MAST4: variants seen among roughly 807,000 people sequenced by gnomAD.
MAST4 encodes microtubule associated serine/threonine kinase family member 4.
In MAST4, 89 loss-of-function variants were observed where a neutral mutation model predicts 162.7. The ratio of observed to expected loss-of-function variants is 0.55; its 90% CI spans 0.46 to 0.65. The LOEUF (loss-of-function observed/expected upper bound fraction) is 0.65. Ranked by LOEUF, MAST4 falls within the 30% of genes least tolerant of loss-of-function variation. The pLI is 0.00. For synonymous variants in MAST4, 1,479 were observed against 1,361.1 expected (o/e 1.09, Z -1.91); for missense variants, 3,153 against 3,374.0 (o/e 0.93, Z 1.62).
At chr5:66,679,253 A>G (rs1748165540) in intron 1 of MAST4, among the ~76,000 whole-genome samples, 1 of 152,216 alleles carries the variant, frequency 6.6e-6, no homozygotes, top group Non-Finnish European at 1.5e-5. Context: ...GCAGGGATTA[A>G]AGCCCTAGTG....
chr5:66,701,387 A>T (rs1749767203), intron 1 of MAST4, among the ~76,000 whole-genome samples: 1 of 152,176 alleles, frequency 6.6e-6, no homozygotes, highest in African/African-American at 2.4e-5. Flanking sequence ...ACAATTAGTA[A>T]GGTGCATCCC....
chr5:66,840,362 A>G (rs915407711), intron 3 of MAST4, among the ~76,000 whole-genome samples: 4 of 152,174 alleles, frequency 2.6e-5, no homozygotes, highest in Admixed American at 2.6e-4. Context: ...ATATTGATTC[A>G]AGATTGATTT....
chr5:66,769,298 G>A (rs949638086), intron 2 of MAST4, among the ~76,000 whole-genome samples: 2 of 152,100 alleles, frequency 1.3e-5, no homozygotes, highest in East Asian at 3.9e-4. Flanking sequence ...TGATATTTCT[G>A]GGGCTCGAGC....
At chr5:67,145,462 AG>A (rs1445858284) in intron 23 of MAST4, 83 bp downstream of exon 23, 21 of 1,156,708 alleles carry the variant, frequency 1.8e-5, no homozygotes, top group Middle Eastern at 2.9e-4. Flanking sequence ...GGGCCTCGCC[AG>A]GCAGTAAAGA....
intron 3 of MAST4, among the ~76,000 whole-genome samples, chr5:66,872,169 TTGTTTGTTTG>T (rs1215408243): frequency 6.6e-6 from 1 of 151,806 alleles, no homozygotes; most frequent in Non-Finnish European, 1.5e-5. Flanking sequence ...GTTTGTTTGT[TTGTTTGTTTG>T]TTTGTTTTGA....
chr5:67,074,358 A>G (rs1761342862), intron 5 of MAST4, among the ~76,000 whole-genome samples: 3 of 152,174 alleles, frequency 2.0e-5, no homozygotes, highest in Admixed American at 1.3e-4. Context: ...TAAATTTACA[A>G]TGGTTTTAGC....
At chr5:67,096,580 A>G (rs1005185852) in intron 7 of MAST4, among the ~76,000 whole-genome samples, 4 of 152,180 alleles carry the variant, frequency 2.6e-5, no homozygotes, top group African/African-American at 9.7e-5. Flanking sequence ...TAGCCACTTA[A>G]TAACACTTGA....
intron 1 of MAST4, among the ~76,000 whole-genome samples, chr5:66,664,857 G>C (rs9291873): frequency 0.49 from 75,023 of 151,908 alleles, 19,027 homozygotes; most frequent in South Asian, 0.64. Context: ...ACATTACAAC[G>C]AGAAAGTGAA....
intron 2 of MAST4, among the ~76,000 whole-genome samples, chr5:66,768,680 G>A (rs1401274756): frequency 6.6e-6 from 1 of 152,164 alleles, no homozygotes; most frequent in Non-Finnish European, 1.5e-5. Flanking sequence ...AGGGCAACAT[G>A]AGGGATCCTT....
chr5:67,095,342 G>T (rs1440438459), intron 6 of MAST4, among the ~76,000 whole-genome samples: 1 of 152,040 alleles, frequency 6.6e-6, no homozygotes, highest in Non-Finnish European at 1.5e-5. Context: ...TATTCATTTT[G>T]TCAAAGTATA....
chr5:66,760,058 C>T (rs1753765928), intron 2 of MAST4, among the ~76,000 whole-genome samples, 196 bp downstream of exon 2: 1 of 151,420 alleles, frequency 6.6e-6, no homozygotes, highest in South Asian at 2.1e-4. Flanking sequence ...ATATAATTTA[C>T]ATGCAGTGAC....
At chr5:66,607,089 G>A (rs1742943797) in intron 1 of MAST4, among the ~76,000 whole-genome samples, 2 of 152,108 alleles carry the variant, frequency 1.3e-5, no homozygotes, top group Admixed American at 1.3e-4. Flanking sequence ...TCATACAAGT[G>A]AGGAGGAGAA....
chr5:67,055,384 T>G (rs1216746657), intron 5 of MAST4, among the ~76,000 whole-genome samples: 2 of 152,206 alleles, frequency 1.3e-5, no homozygotes, highest in African/African-American at 2.4e-5. Context: ...TTCACTGTAC[T>G]CTTGTGAAAA....
chr5:66,986,581 A>T, intron 4 of MAST4: 4 of 484,330 alleles, frequency 8.3e-6, no homozygotes, highest in Non-Finnish European at 1.2e-5. Context: ...ATATATATTA[A>T]AAATATATAT....
chr5:66,597,218 CGTGTGTGTGTCTCA>C (rs1227104908), intron 1 of MAST4, among the ~76,000 whole-genome samples, 200 bp downstream of exon 1: 2 of 152,196 alleles, frequency 1.3e-5, no homozygotes, highest in Non-Finnish European at 2.9e-5. Flanking sequence ...CTGTTACCCC[CGTGTGTGTGTCTCA>C]GTGTGCTGCC....
At chr5:67,095,725 C>T (rs1404860231) in intron 7 of MAST4, 50 bp downstream of exon 7, 6 of 1,350,286 alleles carry the variant, frequency 4.4e-6, no homozygotes, top group Admixed American at 2.4e-5. Flanking sequence ...AACAACAGAG[C>T]TATTACACAG....
intron 3 of MAST4, among the ~76,000 whole-genome samples, chr5:66,864,774 C>G (rs4700167): frequency 0.41 from 61,743 of 151,670 alleles, 14,248 homozygotes; most frequent in Non-Finnish European, 0.52. Flanking sequence ...AGCAGAAGAA[C>G]CAACCCTGCC....
intron 3 of MAST4, among the ~76,000 whole-genome samples, chr5:66,873,252 G>A (rs758110100): frequency 3.9e-5 from 6 of 152,164 alleles, no homozygotes; most frequent in Admixed American, 2.0e-4. Context: ...TCTAACCTTA[G>A]GAAGCCATAG....
intron 3 of MAST4, among the ~76,000 whole-genome samples, chr5:66,883,185 T>C (rs1463921112): frequency 2.0e-5 from 3 of 152,208 alleles, no homozygotes; most frequent in Admixed American, 1.3e-4. Context: ...GAATCTGCTA[T>C]GGATGGGGTA....
Sources: gnomAD v4.1 joint callset for allele counts (sites outside exome capture counted in the v4.1 genomes callset) on GRCh38, gnomAD v4.1.1 for gene constraint, MANE v1.5 for transcripts, NCBI Gene and HGNC (gene_info 2026-07-23, HGNC 2026-07-21) for gene names.